CSRNP1: variants seen among roughly 807,000 people sequenced by gnomAD.
CSRNP1 encodes the protein cysteine and serine rich nuclear protein 1.
CSRNP1 carries 8 observed loss-of-function variants against 25.0 expected under a neutral mutation model. The ratio of observed to expected loss-of-function variants is 0.32; its 90% CI spans 0.19 to 0.58. CSRNP1 has a LOEUF of 0.58. CSRNP1 is among the 20% of genes least tolerant of loss of function. The pLI, the probability that CSRNP1 is intolerant of heterozygous loss-of-function variation, is 0.88. For synonymous variants in CSRNP1, 305 were observed against 303.1 expected (o/e 1.01, Z -0.06); for missense variants, 691 against 773.1 (o/e 0.89, Z 1.26).
chr3:39,151,253 A>G (rs1256151553), intron 1 of CSRNP1: 1 of 152,324 alleles, frequency 6.6e-6, no homozygotes, highest in Non-Finnish European at 1.5e-5. Flanking sequence ...AACCCCAGAG[A>G]CAGGCCCTGA....
At chr3:39,149,891 T>C (rs1336542437) in intron 1 of CSRNP1, 2 of 152,364 alleles carry the variant, frequency 1.3e-5, no homozygotes, top group East Asian at 1.9e-4. Flanking sequence ...GCTCCTGCTA[T>C]GGACTGAATA....
chr3:39,146,195 A>C (rs2039507696), intron 2 of CSRNP1, among the ~76,000 whole-genome samples: 1 of 152,148 alleles, frequency 6.6e-6, no homozygotes, highest in Non-Finnish European at 1.5e-5. Flanking sequence ...TCATTGGAGA[A>C]ACGAAACTGG....
chr3:39,151,182 C>T (rs1336404158), intron 1 of CSRNP1: 1 of 152,248 alleles, frequency 6.6e-6, no homozygotes, highest in Non-Finnish European at 1.5e-5. Context: ...CCCTAGGGTC[C>T]TGGAGGAAGG....
In CSRNP1 at chr3:39,144,339, A is replaced by T. The variant is rs754810673; in HGVS notation, c.578T>A (p.Leu193Ter). ...GGGCTGTAGGAAGCTCACTTCTTCC[A>T]ACCGGCCACCTGCCACAGCGACTGC... ...DLAVAVAGGRLEEVSFLQPYP... is the reference protein window; with the variant it reads ...DLAVAVAGGR Residue 193 changes from leucine (L) to a stop codon, truncating the protein, a stop_gained, in exon 4 of 5, where the codon TTG becomes TAG. Coordinates refer to ENST00000273153, the MANE Select transcript of CSRNP1 (RefSeq NM_033027.4). LOFTEE classifies it high-confidence loss of function. The T allele has an allele frequency of 6.2e-7, 1 of 1,614,152 alleles. No homozygotes were observed. The highest frequency in any genetic ancestry group is 8.5e-7 in the Non-Finnish European group (1 of 1,180,038).
At position 39,146,379 on chromosome 3, in the gene CSRNP1, T is replaced by C. The variant is rs1436880163; in HGVS notation, c.205+99A>G. ...CATGAGAGCTACCGCCATGGGGACC[T>C]AACCACCAGAGGCCAAAGGCATTTG... is the stretch of plus-strand genomic sequence containing the variant. On this transcript the variant is annotated intron_variant, in intron 2 of 4. Transcript: ENST00000273153. 6 of 1,421,482 alleles carry C rather than the reference T, an allele frequency of 4.2e-6. No homozygotes were observed. In the African/African-American group the frequency reaches 8.7e-5, roughly 21 times the overall value. The allele number at this position is 1,421,482 out of a possible 1,614,324, so 88.1% of individuals were successfully genotyped here.
rs890261240 is a variant in CSRNP1, at chr3:39,142,736, G to A, written c.*319C>T. On this transcript the variant is annotated 3_prime_UTR_variant, in exon 5 of 5. Coordinates refer to ENST00000273153, the MANE Select transcript of CSRNP1 (RefSeq NM_033027.4). ...GGCTAAGGAACATCACGCAAAGACC[G>A]AAAAGTGGTCTGCCAAGCTCCAGAG... 5 of 249,172 alleles carry A rather than the reference G, an allele frequency of 2.0e-5. No homozygotes were observed. The highest frequency in any genetic ancestry group is 7.8e-5 in the East Asian group (1 of 12,846). The allele number at this position is 249,172 out of a possible 1,614,324, so 15.4% of individuals were successfully genotyped here.
Position 39,144,590 on chromosome 3 carries a change from C to T in CSRNP1, c.466-139G>A, listed in dbSNP as rs987240500. 5 of 827,948 alleles carry T rather than the reference C, an allele frequency of 6.0e-6. No homozygotes were observed. In the African/African-American group the frequency reaches 8.7e-5, roughly 14 times the overall value. The allele number at this position is 827,948 out of a possible 1,614,324, so 51.3% of individuals were successfully genotyped here. A position where few individuals can be genotyped will look rare whatever the true frequency, so the allele number is the denominator to read the frequency against. On this transcript the variant is annotated intron_variant, in intron 3 of 4. Transcript: ENST00000273153. Reference sequence around the variant, plus strand: ...TCTGCGATGGGCACTGTGTGTCAGACAGTGAACAGGACAGCCAAGAAAACT... The same window carrying T: ...TCTGCGATGGGCACTGTGTGTCAGATAGTGAACAGGACAGCCAAGAAAACT...
Position 39,144,259 on chromosome 3 carries a change from C to A in CSRNP1, c.658G>T (p.Asp220Tyr), listed in dbSNP as rs750030169. 4.3e-6 allele frequency: 7 copies of A among 1,614,170 alleles called. No individual in the cohort carries two copies. The highest frequency in any genetic ancestry group is 5.9e-6 in the Non-Finnish European group (7 of 1,180,034). Residue 220 changes from aspartate (D) to tyrosine (Y), a missense_variant, in exon 4 of 5, where the codon GAT becomes TAT. Asp to Tyr is a radical substitution (Grantham distance 160). Coordinates refer to ENST00000273153, the MANE Select transcript of CSRNP1 (RefSeq NM_033027.4). ...LLRASGVRRI[D>Y]REEKRELQAL... ...TGCAGCTCCCGCTTCTCCTCCCGAT[C>A]GATCCTTCGCACACCTGAAGCCCTC...
chr3:39,145,549 T>C (rs2039497157), intron 2 of CSRNP1, among the ~76,000 whole-genome samples: 1 of 152,238 alleles, frequency 6.6e-6, no homozygotes, highest in South Asian at 2.1e-4. Flanking sequence ...AGGTCCTTTG[T>C]ACAGTTTTCT....
intron 3 of CSRNP1, among the ~76,000 whole-genome samples, chr3:39,144,703 C>CA (rs1450270187): frequency 2.0e-5 from 3 of 152,086 alleles, no homozygotes; most frequent in Non-Finnish European, 4.4e-5. Context: ...CCTAACCAGA[C>CA]AGATACGCAC....
chr3:39,146,188 T>C (rs746235408), intron 2 of CSRNP1, among the ~76,000 whole-genome samples: 31 of 152,016 alleles, frequency 2.0e-4, no homozygotes, highest in African/African-American at 5.1e-4. Flanking sequence ...AGGGTGCTCA[T>C]TGGAGAAACG....
chr3:39,143,781 G>C lies in CSRNP1; in HGVS notation c.1044C>G (p.Cys348Trp), dbSNP rs1021153305. 6.2e-7 allele frequency: 1 copy of C among 1,614,016 alleles called. No individual in the cohort carries two copies. Among genetic ancestry groups the C allele is most frequent in the African/African-American group, 1.3e-5 (1 of 74,942 alleles). ...PMNNELGDNSCSSDMTDSSTA... is the reference protein window; with the variant it reads ...PMNNELGDNSWSSDMTDSSTA... ...TAGAAGAATCAGTCATGTCGCTGCT[G>C]CAGCTGTTGTCTCCCAGCTCATTGT... The change falls in exon 5 of 5, where the codon TGC becomes TGG. Residue 348 changes from cysteine (C) to tryptophan (W), a missense_variant. Cys to Trp is a radical substitution (Grantham distance 215). Coordinates refer to ENST00000273153, the MANE Select transcript of CSRNP1 (RefSeq NM_033027.4).
At chr3:39,147,464 G>A (rs1011384884) in intron 1 of CSRNP1, among the ~76,000 whole-genome samples, 31 of 152,104 alleles carry the variant, frequency 2.0e-4, no homozygotes, top group Non-Finnish European at 4.0e-4. Context: ...TTCCCCTCCC[G>A]GTGTGGGAGC....
At position 39,147,046 on chromosome 3, in the gene CSRNP1, A is replaced by AAC. The variant is rs5848492; in HGVS notation, c.-40-326_-40-325dup. Among the ~76,000 whole-genome samples, 101 of 150,146 alleles carry AAC rather than the reference A, an allele frequency of 6.7e-4. 1 individual carries two copies. The South Asian group carries it at 0.021, about 31-fold the overall frequency. On this transcript the variant is annotated intron_variant, in intron 1 of 4. Transcript: ENST00000273153. Reference sequence around the variant, plus strand: ...AACACACACTTACATACATACACAAAACACACACACACACACACACACATG... The same window carrying AAC: ...AACACACACTTACATACATACACAAAACACACACACACACACACACACACATG...
intron 1 of CSRNP1, chr3:39,152,231 G>A (rs533398054): frequency 6.6e-6 from 1 of 152,580 alleles, no homozygotes; most frequent in South Asian, 2.0e-4. Flanking sequence ...ACAGGAGGAG[G>A]GACCAGCACA....
chr3:39,147,655 A>G (rs2039533661), intron 1 of CSRNP1, among the ~76,000 whole-genome samples: 1 of 152,076 alleles, frequency 6.6e-6, no homozygotes, highest in African/African-American at 2.4e-5. Context: ...CTGTCTCCCA[A>G]GTGAGAGTCT....
intron 1 of CSRNP1, among the ~76,000 whole-genome samples, chr3:39,147,000 A>C (rs1249500975): frequency 1.3e-5 from 2 of 151,940 alleles, no homozygotes; most frequent in Non-Finnish European, 2.9e-5. Context: ...GGCACCAGGC[A>C]CCTTCCCCAC....
At position 39,146,689 on chromosome 3, in the gene CSRNP1, G is replaced by T; in HGVS notation, c.-7C>A. The T allele has an allele frequency of 6.4e-7, 1 of 1,557,792 alleles. No individual in the cohort carries two copies. Among genetic ancestry groups the T allele is most frequent in the Non-Finnish European group, 8.7e-7 (1 of 1,150,650 alleles). ...TCTTCAACAGCCCAGTCATGGTGGT[G>T]CCGGACGTGCTCTGGGGTCTGGGGA... On this transcript the variant is annotated 5_prime_UTR_variant, in exon 2 of 5. Transcript: ENST00000273153.
intron 3 of CSRNP1, 84 bp from the exon 4 acceptor site, chr3:39,144,535 A>C (rs2039477699): frequency 1.5e-6 from 2 of 1,331,214 alleles, no homozygotes; most frequent in East Asian, 2.5e-5. Flanking sequence ...ACCCTCCCCA[A>C]GTGCTTACCC....
Sources: gnomAD v4.1 joint callset for allele counts (sites outside exome capture counted in the v4.1 genomes callset) on GRCh38, gnomAD v4.1.1 for gene constraint, MANE v1.5 for transcripts, NCBI Gene and HGNC (gene_info 2026-07-23, HGNC 2026-07-21) for gene names.